GCN1: variants seen among roughly 807,000 people sequenced by gnomAD.
GCN1 encodes the protein stalled ribosome sensor GCN1.
In GCN1, 90 loss-of-function variants were observed where a neutral mutation model predicts 288.4. The ratio of observed to expected loss-of-function variants is 0.31; its 90% CI spans 0.26 to 0.37. The LOEUF (loss-of-function observed/expected upper bound fraction) is 0.37, where lower values mean the gene tolerates loss of function less well. Among genes scored for constraint, GCN1 ranks in the 10% least tolerant of loss-of-function variants. The probability of loss-of-function intolerance (pLI) is 1.00; values close to 1 mark genes in which losing one functional copy is unlikely to be tolerated. For synonymous variants in GCN1, 1,386 were observed against 1,420.2 expected, an observed-to-expected ratio of 0.98 and a Z score of 0.54; for missense variants, 2,586 against 3,419.9, an observed-to-expected ratio of 0.76 and a Z score of 6.08.
At chr12:120,127,997 G>A in intron 57 of GCN1, 23 bp from the exon 58 acceptor site, 1 of 1,613,422 alleles carries the variant, frequency 6.2e-7, no homozygotes, top group Non-Finnish European at 8.5e-7. Context: ...ATGAGCAGGA[G>A]GAAACATAGT....
intron 44 of GCN1, among the ~76,000 whole-genome samples, chr12:120,141,259 C>T (rs781198617): frequency 6.6e-5 from 10 of 152,172 alleles, no homozygotes; most frequent in Non-Finnish European, 1.2e-4. Context: ...TAAGAGCCAG[C>T]AGCACCTTAC....
Position 120,147,119 on chromosome 12 carries a change from C to T in GCN1, c.4880G>A (p.Arg1627His), listed in dbSNP as rs371279481. ...MPIVQRAFQD[R>H]STDTRKMAAQ... ...TGCCATCTTCCGCGTGTCCGTGGAA[C>T]GGTCCTGGAAGGCTCTCTGGACAAT... Residue 1627 changes from arginine to histidine, a missense_variant, in exon 38 of 58, where the codon CGT (arginine) becomes CAT (histidine). Transcript: ENST00000300648. 1.0e-5 allele frequency: 16 copies of T among 1,606,162 alleles called. No homozygotes were observed. Among genetic ancestry groups the T allele is most frequent in the Non-Finnish European group, 1.4e-5 (16 of 1,174,216 alleles).
chr12:120,171,151 A>C (rs984775783), intron 14 of GCN1, among the ~76,000 whole-genome samples: 3 of 148,772 alleles, frequency 2.0e-5, no homozygotes, highest in African/African-American at 7.5e-5. Flanking sequence ...CAAAAAAAAA[A>C]AAAAAAAGAG....
At chr12:120,165,115 G>A (rs1484873191) in intron 16 of GCN1, among the ~76,000 whole-genome samples, 3 of 151,572 alleles carry the variant, frequency 2.0e-5, no homozygotes, top group Non-Finnish European at 4.4e-5. Flanking sequence ...CACGATCTCA[G>A]GGCTTACTGC....
intron 53 of GCN1, among the ~76,000 whole-genome samples, chr12:120,133,787 G>A (rs1003009521): frequency 5.3e-5 from 8 of 152,166 alleles, no homozygotes; most frequent in Admixed American, 2.6e-4. Context: ...AGAAATAACC[G>A]GCCGGGCGCG....
chr12:120,166,555 T>A (rs1028052583), intron 16 of GCN1, among the ~76,000 whole-genome samples: 1 of 150,762 alleles, frequency 6.6e-6, no homozygotes, highest in Non-Finnish European at 1.5e-5. Context: ...ATACAAAAAA[T>A]TAGCCAGGCG....
At position 120,145,031 on chromosome 12, in the gene GCN1, C is replaced by T. The variant is rs1405378308; in HGVS notation, c.5047G>A (p.Ala1683Thr). The change falls in exon 40 of 58, where the codon GCC becomes ACC. Residue 1683 changes from alanine (A) to threonine (T), a missense_variant. Transcript: ENST00000300648. ...GACTCCCCCATGCCCTTCACCATGGCCCCAAGGGCCTTTGCAGATACGGTC... is the reference window on the plus strand; with the variant it reads ...GACTCCCCCATGCCCTTCACCATGGTCCCAAGGGCCTTTGCAGATACGGTC... ...VRTVSAKALG[A>T]MVKGMGESCF... The T allele has an allele frequency of 6.2e-7, 1 of 1,613,980 alleles. No individual in the cohort carries two copies. Among genetic ancestry groups the T allele is most frequent in the Non-Finnish European group, 8.5e-7 (1 of 1,179,970 alleles).
At chr12:120,143,109 T>C (rs557848268) in intron 42 of GCN1, among the ~76,000 whole-genome samples, 168 bp from the exon 43 acceptor site, 1 of 152,202 alleles carries the variant, frequency 6.6e-6, no homozygotes, top group Non-Finnish European at 1.5e-5. Flanking sequence ...CCACATATTT[T>C]CCAAGTTTTC....
chr12:120,144,709 T>C lies in GCN1; in HGVS notation c.5282A>G (p.Asn1761Ser). The C allele has an allele frequency of 6.2e-7, 1 of 1,614,074 alleles. No individual in the cohort carries two copies. Among genetic ancestry groups the C allele is most frequent in the Non-Finnish European group, 8.5e-7 (1 of 1,179,924 alleles). The stretch of plus-strand genomic sequence containing the variant: ...GTCTCCAAAGGTGATGGGCAGGTAG[T>C]TAAACATCATAATGTAGCCATCTCG... ...HVRDGYIMMF[N>S]YLPITFGDKF... is the part of the protein sequence containing the mutation. Residue 1761 changes from asparagine to serine, a missense_variant, in exon 41 of 58, where the codon AAC becomes AGC. By Grantham distance (46) the Asn-to-Ser change is conservative. Coordinates refer to ENST00000300648, the MANE Select transcript of GCN1 (RefSeq NM_006836.2). The surrounding 1 kb of genome is among the most constrained non-coding windows in gnomAD (Gnocchi z 4.7).
At position 120,176,183 on chromosome 12, in the gene GCN1, G is replaced by A. The variant is rs1594284963; in HGVS notation, c.873C>T (p.Asp291=). The A allele has an allele frequency of 1.9e-6, 3 of 1,612,206 alleles. No individual in the cohort carries two copies. The highest frequency in any genetic ancestry group is 2.5e-6 in the Non-Finnish European group (3 of 1,178,306). The stretch of plus-strand genomic sequence containing the variant: ...CGATGTCCATGGCATACTGGCTGAG[G>A]TCAAGCGTCACTGATGCCAGCAGAC... The part of the protein sequence containing the change: ...ISSLLASVTL[D]LSQYAMDIVK... Residue 291 remains aspartate (D), a synonymous_variant, in exon 10 of 58, where the codon GAC becomes GAT. Coordinates refer to ENST00000300648, the MANE Select transcript of GCN1 (RefSeq NM_006836.2).
intron 45 of GCN1, among the ~76,000 whole-genome samples, chr12:120,140,267 A>T (rs1877146486): frequency 1.3e-5 from 2 of 152,152 alleles, no homozygotes; most frequent in African/African-American, 4.8e-5. Flanking sequence ...CAGTGCCTAA[A>T]AGCACTCCTA....
At position 120,127,823 on chromosome 12, in the gene GCN1, G is replaced by C; in HGVS notation, c.*26C>G. 1 of 1,607,338 alleles carries C rather than the reference G, an allele frequency of 6.2e-7. No individual in the cohort carries two copies. The highest frequency in any genetic ancestry group is 8.5e-7 in the Non-Finnish European group (1 of 1,174,734). On this transcript the variant is annotated 3_prime_UTR_variant, in exon 58 of 58. Transcript: ENST00000300648. ...AAACATTGAGCAAAGATGTGGAGCGGCAATGCTGCTGCTGGCCCAGGCCTC... is the reference window on the plus strand; with the variant it reads ...AAACATTGAGCAAAGATGTGGAGCGCCAATGCTGCTGCTGGCCCAGGCCTC...
Position 120,184,817 on chromosome 12 carries a change from G to GACTC in GCN1, c.185+3_185+6dup. The GACTC allele has an allele frequency of 6.2e-7, 1 of 1,600,124 alleles. No homozygotes were observed. Among genetic ancestry groups the GACTC allele is most frequent in the Non-Finnish European group, 8.6e-7 (1 of 1,167,738 alleles). ...CTCCACATATGGGGCCTTTGGCTGGGACTCACCTATATCGATGCAGAGTCA... is the reference window on the plus strand; with the variant it reads ...CTCCACATATGGGGCCTTTGGCTGGGACTCACTCACCTATATCGATGCAGAGTCA... On this transcript the variant is annotated splice_region_variant and intron_variant, in intron 3 of 57. Coordinates refer to ENST00000300648, the MANE Select transcript of GCN1 (RefSeq NM_006836.2).
rs768363951 is a variant in GCN1, at chr12:120,150,077, G to T, written c.4310-34C>A. ...AAAGAAGGTGGGACGGCTGGGAAGA[G>T]AATGTCCCCTGGGGGTAGCCACAGA... is the stretch of plus-strand genomic sequence containing the variant. On this transcript the variant is annotated intron_variant, in intron 34 of 57. Coordinates refer to ENST00000300648, the MANE Select transcript of GCN1 (RefSeq NM_006836.2). 2.5e-6 allele frequency: 4 copies of T among 1,610,710 alleles called. No individual in the cohort carries two copies. In the African/African-American group the frequency reaches 4.0e-5, roughly 16 times the overall value.
chr12:120,151,421 G>A (rs368534855), intron 33 of GCN1, 30 bp from the exon 34 acceptor site: 2 of 1,609,778 alleles, frequency 1.2e-6, no homozygotes, highest in Non-Finnish European at 1.7e-6. Context: ...TCAATGCTGT[G>A]GCTCCGCTGC....
At chr12:120,169,198 A>G (rs1878229971) in intron 15 of GCN1, among the ~76,000 whole-genome samples, 1 of 141,334 alleles carries the variant, frequency 7.1e-6, no homozygotes. Context: ...CGGAAGGCTG[A>G]GGCAGGAGGC....
Position 120,142,884 on chromosome 12 carries a change from C to T in GCN1, c.5553G>A (p.Gly1851=). ...CAGAGGCAGTTTCTGTGGTCATCTT[C>T]CCAGTGACTCCTGAGATGTGAAACA... ...DLLFHISGVT[G]KMTTETASED... is the part of the protein sequence containing the mutation. The change falls in exon 43 of 58, where the codon GGG becomes GGA. Residue 1851 remains glycine, a synonymous_variant. Transcript: ENST00000300648. This position sits in a 1 kb window ranked among gnomAD's most constrained non-coding sequence, Gnocchi z 4.9. The T allele has an allele frequency of 6.2e-7, 1 of 1,614,000 alleles. No homozygotes were observed. The highest frequency in any genetic ancestry group is 8.5e-7 in the Non-Finnish European group (1 of 1,179,868).
intron 9 of GCN1, among the ~76,000 whole-genome samples, chr12:120,176,884 A>G (rs1878497154): frequency 6.6e-6 from 1 of 152,072 alleles, no homozygotes; most frequent in East Asian, 1.9e-4. Context: ...TTCCTGCCTC[A>G]GTCTCCTGAG....
intron 16 of GCN1, among the ~76,000 whole-genome samples, chr12:120,167,609 C>T (rs1048870727): frequency 5.9e-5 from 9 of 152,044 alleles, no homozygotes; most frequent in African/African-American, 2.2e-4. Context: ...TCAATGTAGA[C>T]CCTCTTGTAT....
Sources: allele counts gnomAD v4.1 joint callset (sites outside exome capture counted in the v4.1 genomes callset), GRCh38; gene constraint gnomAD v4.1.1; non-coding constraint Gnocchi (gnomAD v3.1); transcripts MANE v1.5; gene names NCBI Gene and HGNC (gene_info 2026-07-23, HGNC 2026-07-21).